The following DARS2 variants were observed in gnomAD, a reference collection of about 807,000 sequenced individuals.
DARS2 encodes the protein aspartyl-tRNA synthetase 2, mitochondrial.
DARS2 carries 63 observed loss-of-function variants against 83.0 expected under a neutral mutation model. The ratio of observed to expected loss-of-function variants is 0.76; its 90% CI spans 0.62 to 0.94. DARS2 has a LOEUF of 0.94. Among genes scored for constraint, DARS2 ranks in the 40% least tolerant of loss-of-function variants. DARS2 has a pLI of 0.00. For synonymous variants in DARS2, 250 were observed against 269.3 expected (o/e 0.93, Z 0.70); for missense variants, 675 against 774.4 (o/e 0.87, Z 1.52).
rs779647198 is a variant in DARS2, at chr1:173,850,294, A to C, written c.1192-33A>C. On this transcript the variant is annotated intron_variant, in intron 12 of 16. Coordinates refer to ENST00000649689, the MANE Select transcript of DARS2 (RefSeq NM_018122.5). ...TTAATCCCACTGTTCAAAAAAAAAAAAAAACGTGAATAAGTCTTTTTCTTT... is the reference window on the plus strand; with the variant it reads ...TTAATCCCACTGTTCAAAAAAAAAACAAAACGTGAATAAGTCTTTTTCTTT... The C allele has an allele frequency of 9.5e-6, 15 of 1,576,534 alleles. No homozygotes were observed. The South Asian group carries it at 1.7e-4, about 18-fold the overall frequency.
Position 173,837,919 on chromosome 1 carries a change from G to A in DARS2, c.771-271G>A, listed in dbSNP as rs1401989451. Among the ~76,000 whole-genome samples the A allele has an allele frequency of 3.9e-5, 6 of 151,900 alleles. No individual in the cohort carries two copies. In the East Asian group the frequency reaches 5.8e-4, roughly 15 times the overall value. On this transcript the variant is annotated intron_variant, in intron 8 of 16. Transcript: ENST00000649689. ...CTCCCGAGTAGCTGGGATTACAGGCGCACGCCACCCACGCCCAGCTAATTT... is the reference window on the plus strand; with the variant it reads ...CTCCCGAGTAGCTGGGATTACAGGCACACGCCACCCACGCCCAGCTAATTT...
chr1:173,839,330 TG>T, intron 9 of DARS2, 36 bp from the exon 10 acceptor site: 1 of 1,591,562 alleles, frequency 6.3e-7, no homozygotes, highest in Non-Finnish European at 8.6e-7. Context: ...GTATATATTG[TG>T]GCTAAATTAG....
chr1:173,833,930 T>C (rs1423196530), intron 6 of DARS2, among the ~76,000 whole-genome samples: 1 of 152,096 alleles, frequency 6.6e-6, no homozygotes, highest in South Asian at 2.1e-4. Context: ...CAGCCAATTT[T>C]TAAAAATTTT....
chr1:173,857,635 C>T lies in DARS2; in HGVS notation c.1868C>T (p.Pro623Leu). Residue 623 changes from proline (P) to leucine (L), a missense_variant, in exon 17 of 17, where the codon CCT becomes CTT. Coordinates refer to ENST00000649689, the MANE Select transcript of DARS2 (RefSeq NM_018122.5). ...LMSNTPDSVP[P>L]EELKPYHIRV... is the part of the protein sequence containing the mutation. Reference sequence around the variant, plus strand: ...AGCAATACCCCAGATTCTGTCCCTCCTGAGGAACTGAAGCCCTATCATATC... The same window carrying T: ...AGCAATACCCCAGATTCTGTCCCTCTTGAGGAACTGAAGCCCTATCATATC... 1 of 1,614,156 alleles carries T rather than the reference C, an allele frequency of 6.2e-7. No individual in the cohort carries two copies. The highest frequency in any genetic ancestry group is 1.7e-5 in the Admixed American group (1 of 60,008).
chr1:173,843,759 G>C (rs1653319155), intron 11 of DARS2, among the ~76,000 whole-genome samples: 1 of 152,164 alleles, frequency 6.6e-6, no homozygotes. Flanking sequence ...GGGAGAAGCT[G>C]GTTTGACCAC....
At chr1:173,841,507 T>G (rs996674928) in intron 11 of DARS2, among the ~76,000 whole-genome samples, 1 of 152,076 alleles carries the variant, frequency 6.6e-6, no homozygotes, top group Non-Finnish European at 1.5e-5. Flanking sequence ...TTCTTTTTTT[T>G]CCCCCCTTTT....
chr1:173,837,288 A>AG (rs1287301345), intron 8 of DARS2, among the ~76,000 whole-genome samples: 1 of 151,768 alleles, frequency 6.6e-6, no homozygotes, highest in Non-Finnish European at 1.5e-5. Flanking sequence ...AAAAAAAAAA[A>AG]GAATAGGTTC....
chr1:173,857,855 A>G lies in DARS2; in HGVS notation c.*150A>G, dbSNP rs2102666632. 1.1e-5 allele frequency: 9 copies of G among 857,010 alleles called. No individual in the cohort carries two copies. The East Asian group carries it at 2.4e-4, about 23-fold the overall frequency. 53.1% of individuals were successfully genotyped at this position (857,010 alleles called of 1,614,324 possible). On this transcript the variant is annotated 3_prime_UTR_variant, in exon 17 of 17. Transcript: ENST00000649689. ...GGCAACATTCTTCACCACAACGAAG[A>G]AACAGATAAAAGATACCCAATTTTG...
chr1:173,835,852 A>G (rs1431857970), intron 7 of DARS2, among the ~76,000 whole-genome samples: 2 of 152,046 alleles, frequency 1.3e-5, no homozygotes, highest in Non-Finnish European at 2.9e-5. Flanking sequence ...TCAGGAGTTT[A>G]AGACCCGCCT....
intron 7 of DARS2, among the ~76,000 whole-genome samples, chr1:173,834,744 T>C (rs28550070): frequency 1.0e-4 from 13 of 127,804 alleles, no homozygotes; most frequent in African/African-American, 4.9e-4. Context: ...TTTTTTTTTT[T>C]TTTTTTTTTT....
intron 16 of DARS2, 117 bp from the exon 17 acceptor site, chr1:173,857,401 G>GC (rs1653893205): frequency 2.0e-6 from 2 of 1,020,534 alleles, no homozygotes; most frequent in African/African-American, 3.2e-5. Context: ...ACGATGGTTG[G>GC]CTACAGTTTG....
intron 12 of DARS2, 54 bp downstream of exon 12, chr1:173,845,345 CTATTAT>C (rs1367084479): frequency 5.5e-6 from 6 of 1,098,976 alleles, no homozygotes; most frequent in Non-Finnish European, 7.0e-6. Context: ...ATATTTTTAA[CTATTAT>C]TAACTAAACT....
In DARS2 at chr1:173,841,978, C is replaced by T. The variant is rs535403786; in HGVS notation, c.1128+1005C>T. Among the ~76,000 whole-genome samples the T allele has an allele frequency of 2.6e-5, 4 of 152,044 alleles. 1 individual carries two copies. The highest frequency in any genetic ancestry group is 9.6e-5 in the African/African-American group (4 of 41,468). The stretch of plus-strand genomic sequence containing the variant: ...GTTGATTCTTTATCTTCTGAGAGTT[C>T]TCATCTCAGTTGCACTAATAACAGG... On this transcript the variant is annotated intron_variant, in intron 11 of 16. Coordinates refer to ENST00000649689, the MANE Select transcript of DARS2 (RefSeq NM_018122.5).
intron 12 of DARS2, among the ~76,000 whole-genome samples, chr1:173,850,031 ATT>A (rs1653590248): frequency 6.6e-6 from 1 of 151,358 alleles, no homozygotes; most frequent in Non-Finnish European, 1.5e-5. Context: ...TACTTTTTGT[ATT>A]TTTAGTAGAG....
intron 12 of DARS2, among the ~76,000 whole-genome samples, chr1:173,846,417 A>G (rs1447354763): frequency 6.6e-6 from 1 of 152,026 alleles, no homozygotes; most frequent in African/African-American, 2.4e-5. Flanking sequence ...TCACAAGCCC[A>G]GGAGTTCAAG....
chr1:173,838,014 C>T (rs1653068792), intron 8 of DARS2, among the ~76,000 whole-genome samples, 176 bp from the exon 9 acceptor site: 1 of 152,192 alleles, frequency 6.6e-6, no homozygotes, highest in Non-Finnish European at 1.5e-5. Context: ...ACCTCATGAT[C>T]TGCCCGCCTT....
chr1:173,839,460 G>C lies in DARS2; in HGVS notation c.934G>C (p.Val312Leu). The C allele has an allele frequency of 6.2e-7, 1 of 1,614,160 alleles. No individual in the cohort carries two copies. The highest frequency in any genetic ancestry group is 8.5e-7 in the Non-Finnish European group (1 of 1,180,006). ...QYSWPNDKDP[V>L]VVPFPTMTFA... Reference sequence around the variant, plus strand: ...TTCCTGGCCCAATGACAAAGATCCTGTGGTTGTTCCTTTTCCTACTATGAC... The same window carrying C: ...TTCCTGGCCCAATGACAAAGATCCTCTGGTTGTTCCTTTTCCTACTATGAC... The change falls in exon 10 of 17, where the codon GTG (valine) becomes CTG (leucine). Residue 312 changes from valine to leucine, a missense_variant. By Grantham distance (32) the Val-to-Leu change is conservative. Transcript: ENST00000649689.
chr1:173,844,778 ATTTTTTTTTTTTT>A (rs1164469532), intron 11 of DARS2, among the ~76,000 whole-genome samples: 254 of 56,864 alleles, frequency 4.5e-3, no homozygotes, highest in African/African-American at 0.015. Context: ...CAGAAATTGG[ATTTTTTTTTTTTT>A]TTTTTTTTTT....
Position 173,856,685 on chromosome 1 carries a change from C to A in DARS2, c.1694C>A (p.Ser565Tyr). Residue 565 changes from serine (S) to tyrosine (Y), a missense_variant, in exon 16 of 17, where the codon TCC becomes TAC. By Grantham distance (144) the Ser-to-Tyr change is moderately radical. Transcript: ENST00000649689. ...TTTCAGGAGGATGTGAAAATGCTCT[C>A]CCATCTGCTCCAGGCTTTAGATTAT... is the stretch of plus-strand genomic sequence containing the variant. ...TLLKEDVKMLSHLLQALDYGA... is the reference protein window; with the variant it reads ...TLLKEDVKMLYHLLQALDYGA... 1.2e-6 allele frequency: 2 copies of A among 1,614,002 alleles called. No homozygotes were observed. The highest frequency in any genetic ancestry group is 1.7e-6 in the Non-Finnish European group (2 of 1,179,936).
Sources: gnomAD v4.1 joint callset for allele counts (sites outside exome capture counted in the v4.1 genomes callset) on GRCh38, gnomAD v4.1.1 for gene constraint, MANE v1.5 for transcripts, NCBI Gene and HGNC (gene_info 2026-07-23, HGNC 2026-07-21) for gene names.